The following ASPH variants were observed in gnomAD, a reference collection of about 807,000 sequenced individuals.
ASPH encodes the protein aspartyl/asparaginyl beta-hydroxylase.
A neutral mutation model predicts 118.4 loss-of-function variants in ASPH; 100 were observed. The ratio of observed to expected loss-of-function variants is 0.84; its 90% confidence interval spans 0.72 to 1.00. The LOEUF (loss-of-function observed/expected upper bound fraction) is 1.00, where lower values mean the gene tolerates loss of function less well. ASPH is among the 50% of genes least tolerant of loss of function. The probability of loss-of-function intolerance (pLI) is 0.00; values close to 1 mark genes in which losing one functional copy is unlikely to be tolerated. For synonymous variants in ASPH, 315 were observed against 325.6 expected (o/e 0.97, Z 0.35); for missense variants, 920 against 919.5 (o/e 1.00, Z -0.01).
At chr8:61,534,260 T>C (rs1179048124) in intron 21 of ASPH, among the ~76,000 whole-genome samples, 1 of 152,248 alleles carries the variant, frequency 6.6e-6, no homozygotes, top group African/African-American at 2.4e-5. Flanking sequence ...TCATATTTTC[T>C]ATATATCTCT....
intron 18 of ASPH, among the ~76,000 whole-genome samples, chr8:61,557,019 T>TG (rs1476006528): frequency 6.6e-6 from 1 of 152,218 alleles, no homozygotes; most frequent in African/African-American, 2.4e-5. Flanking sequence ...TTAGCAAATC[T>TG]GGCCAACACT....
intron 18 of ASPH, among the ~76,000 whole-genome samples, chr8:61,558,875 C>T (rs1397769137): frequency 2.0e-5 from 3 of 152,152 alleles, no homozygotes; most frequent in Non-Finnish European, 4.4e-5. Flanking sequence ...TTATCTTCCG[C>T]CTCTGCTGCC....
chr8:61,689,905 A>C (rs1832126176), intron 1 of ASPH: 1 of 1,256,170 alleles, frequency 8.0e-7, no homozygotes, highest in South Asian at 2.3e-5. Flanking sequence ...AAATGCTGCT[A>C]ATCACCACTT....
chr8:61,658,884 A>C (rs1166270147), intron 3 of ASPH: 1 of 152,204 alleles, frequency 6.6e-6, no homozygotes, highest in Non-Finnish European at 1.5e-5. Flanking sequence ...TTCAATAAAC[A>C]AACAATGAAT....
intron 1 of ASPH, chr8:61,689,696 T>G (rs748455198): frequency 1.3e-6 from 2 of 1,587,844 alleles, no homozygotes; most frequent in Non-Finnish European, 1.7e-6. Flanking sequence ...CATTTTGATT[T>G]CTTCAATCCA....
intron 14 of ASPH, among the ~76,000 whole-genome samples, chr8:61,616,358 A>G (rs1849034440): frequency 6.6e-6 from 1 of 152,108 alleles, no homozygotes; most frequent in Admixed American, 6.6e-5. Context: ...GGAGCTCACA[A>G]TTGCAACTGC....
At chr8:61,528,727 G>T (rs1190420376) in intron 21 of ASPH, among the ~76,000 whole-genome samples, 1 of 152,084 alleles carries the variant, frequency 6.6e-6, no homozygotes, top group Non-Finnish European at 1.5e-5. Context: ...TGCCCTTCCT[G>T]CCCCTTCACC....
chr8:61,664,356 AC>A, intron 3 of ASPH: 1 of 974,252 alleles, frequency 1.0e-6, no homozygotes, highest in Non-Finnish European at 1.2e-6. Flanking sequence ...AAATGAAAGT[AC>A]ATTCTAATCT....
intron 21 of ASPH, among the ~76,000 whole-genome samples, chr8:61,528,594 C>T (rs1816375076): frequency 1.3e-5 from 1 of 77,390 alleles, no homozygotes; most frequent in African/African-American, 5.2e-5. Flanking sequence ...TTGGAAACAG[C>T]TGATCTTTTG....
chr8:61,636,450 C>A (rs1312566713), intron 12 of ASPH, among the ~76,000 whole-genome samples: 1 of 152,038 alleles, frequency 6.6e-6, no homozygotes, highest in Non-Finnish European at 1.5e-5. Context: ...TACAACCGGC[C>A]AAGAGAAGAG....
intron 15 of ASPH, among the ~76,000 whole-genome samples, chr8:61,579,909 CAA>C (rs35492301): frequency 2.2e-4 from 11 of 49,476 alleles, no homozygotes; most frequent in African/African-American, 5.5e-4. Context: ...CTGCCAATGT[CAA>C]AAAAAAAAAA....
At chr8:61,696,286 A>G (rs538091730) in intron 1 of ASPH, among the ~76,000 whole-genome samples, 1 of 152,316 alleles carries the variant, frequency 6.6e-6, no homozygotes, top group East Asian at 1.9e-4. Flanking sequence ...CAAAATTGAG[A>G]AAGCTGCTTG....
chr8:61,605,404 C>A (rs6985734), intron 14 of ASPH, among the ~76,000 whole-genome samples: 77,652 of 151,960 alleles, frequency 0.51, 21,901 homozygotes, highest in Non-Finnish European at 0.64. Context: ...CTGACCTGCA[C>A]GAAAAATGCA....
chr8:61,541,611 G>T (rs1822005580), intron 21 of ASPH, among the ~76,000 whole-genome samples: 1 of 152,168 alleles, frequency 6.6e-6, no homozygotes, highest in Admixed American at 6.5e-5. Flanking sequence ...TGAACTCTGG[G>T]TTTCTGCACA....
rs780357987 is a variant in ASPH, at chr8:61,567,258, T to G, written c.1210A>C (p.Thr404Pro). ...SNEVLRGAIE[T>P]YQEVASLPDV... ...GGTAGGCTGGCCACCTCTTGGTAGG[T>G]CTCGATGGCTCCACGTAGCACCTCA... The change falls in exon 17 of 25, where the codon ACC (threonine) becomes CCC (proline). Residue 404 changes from threonine to proline, a missense_variant. Thr to Pro is a conservative substitution (Grantham distance 38). Transcript: ENST00000379454. The G allele has an allele frequency of 6.2e-7, 1 of 1,614,116 alleles. No homozygotes were observed. The highest frequency in any genetic ancestry group is 2.2e-5 in the East Asian group (1 of 44,878).
chr8:61,714,361 C>T lies in ASPH; in HGVS notation c.11G>A (p.Arg4His). 6.6e-7 allele frequency: 1 copy of T among 1,517,670 alleles called. No individual in the cohort carries two copies. Among genetic ancestry groups the T allele is most frequent in the East Asian group, 2.7e-5 (1 of 36,488 alleles). 94.0% of individuals were successfully genotyped at this position (1,517,670 alleles called of 1,614,324 possible). A position where few individuals can be genotyped will look rare whatever the true frequency, so the allele number is the denominator to read the frequency against. MAQ[R>H]KNAKSSGNSS... The stretch of plus-strand genomic sequence containing the variant: ...GTTGCCGCTGCTCTTGGCATTCTTA[C>T]GCTGGGCCATTGCACGGTCCGCGGG... The change falls in exon 1 of 25, where the codon CGT (arginine) becomes CAT (histidine). Residue 4 changes from arginine to histidine, a missense_variant. Coordinates refer to ENST00000379454, the MANE Select transcript of ASPH (RefSeq NM_004318.4).
At chr8:61,594,362 T>A (rs1449972723) in intron 14 of ASPH, among the ~76,000 whole-genome samples, 4 of 152,252 alleles carry the variant, frequency 2.6e-5, no homozygotes, top group Non-Finnish European at 5.9e-5. Context: ...TATGAAATAC[T>A]GATTTCCCAG....
chr8:61,663,291 G>T (rs894504197), intron 3 of ASPH: 1 of 985,104 alleles, frequency 1.0e-6, no homozygotes, highest in Non-Finnish European at 1.2e-6. Context: ...ACAGGTGTGC[G>T]CCTGGGAAGA....
At position 61,615,013 on chromosome 8, in the gene ASPH, T is replaced by G. The variant is rs7823222; in HGVS notation, c.976+3965A>C. The stretch of plus-strand genomic sequence containing the variant: ...TATGGCCAGAATGAGCCTTTGAAAA[T>G]ATAATGCAATCATATCCATCTTCTG... On this transcript the variant is annotated intron_variant, in intron 14 of 24. Coordinates refer to ENST00000379454, the MANE Select transcript of ASPH (RefSeq NM_004318.4). Among the ~76,000 whole-genome samples the G allele has an allele frequency of 7.1e-4, 108 of 152,156 alleles. 1 individual carries two copies. Among genetic ancestry groups the G allele is most frequent in the African/African-American group, 2.5e-3 (104 of 41,490 alleles).
Sources: allele counts gnomAD v4.1 joint callset (sites outside exome capture counted in the v4.1 genomes callset), GRCh38; gene constraint gnomAD v4.1.1; transcripts MANE v1.5; gene names NCBI Gene and HGNC (gene_info 2026-07-23, HGNC 2026-07-21).